The following HROB variants were observed in gnomAD, a reference collection of about 807,000 sequenced individuals.
The protein encoded by HROB is homologous recombination factor with OB-fold.
HROB carries 44 observed loss-of-function variants against 61.0 expected under a neutral mutation model. The ratio of observed to expected loss-of-function variants is 0.72; its 90% confidence interval spans 0.57 to 0.93. HROB has a LOEUF of 0.93. HROB is among the 40% of genes least tolerant of loss of function. HROB has a pLI of 0.00. For missense variants in HROB, 716 were observed against 796.2 expected (o/e 0.90, Z 1.21); for synonymous variants, 301 against 310.4 (o/e 0.97, Z 0.32).
intron 2 of HROB, among the ~76,000 whole-genome samples, chr17:44,146,563 A>C (rs1444175883): frequency 2.6e-5 from 4 of 152,194 alleles, no homozygotes; most frequent in Non-Finnish European, 5.9e-5. Context: ...CTGTTCCTTG[A>C]AAATGGCAGA....
intron 2 of HROB, among the ~76,000 whole-genome samples, chr17:44,146,635 A>T (rs1193329993): frequency 1.3e-5 from 2 of 152,212 alleles, no homozygotes; most frequent in Admixed American, 1.3e-4. Flanking sequence ...TCTTTGGGAG[A>T]AAAAAGACCA....
At chr17:44,157,232 T>C (rs1236560471) in intron 8 of HROB, among the ~76,000 whole-genome samples, 1 of 152,212 alleles carries the variant, frequency 6.6e-6, no homozygotes, top group Admixed American at 6.5e-5. Context: ...GCTCTAGTTA[T>C]AGAGAATCTC....
At chr17:44,142,258 T>G in intron 1 of HROB, 113 bp downstream of exon 1, 1 of 1,310,518 alleles carries the variant, frequency 7.6e-7, no homozygotes, top group Non-Finnish European at 9.9e-7. Flanking sequence ...GGGGTCTGGG[T>G]GGGGGTTCGG....
intron 1 of HROB, among the ~76,000 whole-genome samples, 197 bp from the exon 2 acceptor site, chr17:44,145,006 A>G (rs1273350535): frequency 6.6e-6 from 1 of 152,050 alleles, no homozygotes; most frequent in Non-Finnish European, 1.5e-5. Context: ...ATGAGTCACC[A>G]CGCCCGGCCC....
chr17:44,153,292 C>CA (rs112624871), intron 5 of HROB, among the ~76,000 whole-genome samples: 367 of 139,408 alleles, frequency 2.6e-3, no homozygotes, highest in African/African-American at 4.7e-3. Flanking sequence ...CAAAAAAATA[C>CA]AAAAAAAAAA....
At chr17:44,150,785 A>G (rs2053778651) in intron 3 of HROB, among the ~76,000 whole-genome samples, 176 bp from the exon 4 acceptor site, 2 of 152,268 alleles carry the variant, frequency 1.3e-5, no homozygotes, top group African/African-American at 4.8e-5. Context: ...ACCAATCCCC[A>G]AAGTATCTTT....
chr17:44,142,985 G>T (rs2143799430), intron 1 of HROB, among the ~76,000 whole-genome samples: 1 of 152,230 alleles, frequency 6.6e-6, no homozygotes, highest in Middle Eastern at 3.4e-3. Flanking sequence ...GGCCCAGGCT[G>T]AAGTGCAGTG....
At position 44,147,933 on chromosome 17, in the gene HROB, C is replaced by T. The variant is rs147787171; in HGVS notation, c.130C>T (p.Pro44Ser). The T allele has an allele frequency of 7.4e-5, 119 of 1,614,132 alleles. No homozygotes were observed. The African/African-American group carries it at 1.1e-3, about 15-fold the overall frequency. The change falls in exon 3 of 10, where the codon CCT becomes TCT. Residue 44 changes from proline to serine, a missense_variant. Physicochemically the swap from Pro to Ser is moderately conservative, Grantham distance 74 (BLOSUM62 -1). Transcript: ENST00000585683. Reference sequence around the variant, plus strand: ...GCCTGTGAATGCTGGGCGCCTGAGACCTGTCTCTTCTAGGCCACAGGAGAC... The same window carrying T: ...GCCTGTGAATGCTGGGCGCCTGAGATCTGTCTCTTCTAGGCCACAGGAGAC... ...SLPVNAGRLR[P>S]VSSRPQETVQ...
chr17:44,149,866 G>A (rs1000705193), intron 3 of HROB, among the ~76,000 whole-genome samples: 2 of 152,246 alleles, frequency 1.3e-5, no homozygotes, highest in Admixed American at 6.5e-5. Context: ...GTGAACAGGG[G>A]TCATTCCCTG....
intron 1 of HROB, among the ~76,000 whole-genome samples, chr17:44,143,600 T>G (rs1246346973): frequency 2.0e-5 from 3 of 150,922 alleles, no homozygotes; most frequent in Non-Finnish European, 4.4e-5. Context: ...GCCAAAATCG[T>G]GCCGCTGGAC....
intron 1 of HROB, among the ~76,000 whole-genome samples, chr17:44,144,524 C>T (rs1376935845): frequency 3.3e-5 from 5 of 152,040 alleles, no homozygotes; most frequent in African/African-American, 2.4e-5. Context: ...GATTCACCAG[C>T]TTTGGCCTCC....
At chr17:44,147,735 C>A (rs1279501328) in intron 2 of HROB, 123 bp from the exon 3 acceptor site, 2 of 996,010 alleles carry the variant, frequency 2.0e-6, no homozygotes, top group African/African-American at 3.3e-5. Flanking sequence ...CATGCCCGAC[C>A]CTCATGCTTT....
At chr17:44,144,149 T>C (rs955725851) in intron 1 of HROB, among the ~76,000 whole-genome samples, 1 of 151,738 alleles carries the variant, frequency 6.6e-6, no homozygotes, top group African/African-American at 2.4e-5. Flanking sequence ...GGCTAATTTT[T>C]TTTTTTTTAA....
At chr17:44,158,885 G>A (rs1038663984) in intron 9 of HROB, among the ~76,000 whole-genome samples, 2 of 151,888 alleles carry the variant, frequency 1.3e-5, no homozygotes, top group Admixed American at 1.3e-4. Flanking sequence ...CTGACCTCGC[G>A]ATCTGCCCGC....
rs764377975 is a variant in HROB at position 44,154,637 on chromosome 17, G to A, written c.1531G>A (p.Ala511Thr). ...IKSLTRSTMD[A>T]SVVFKDPTGE... Reference sequence around the variant, plus strand: ...GTCCCTGACTCGGAGCACAATGGACGCCAGTGTGGTTTTCAAGGACCCCAC... The same window carrying A: ...GTCCCTGACTCGGAGCACAATGGACACCAGTGTGGTTTTCAAGGACCCCAC... The change falls in exon 6 of 10, where the codon GCC (alanine) becomes ACC (threonine). Residue 511 changes from alanine to threonine, a missense_variant. Physicochemically the swap from Ala to Thr is moderately conservative, Grantham distance 58 (BLOSUM62 0). Coordinates refer to ENST00000585683, the MANE Select transcript of HROB (RefSeq NM_001171251.3). 1.2e-6 allele frequency: 2 copies of A among 1,614,010 alleles called. No homozygotes were observed. The highest frequency in any genetic ancestry group is 1.3e-5 in the African/African-American group (1 of 74,904).
At position 44,156,670 on chromosome 17, in the gene HROB, T is replaced by A. The variant is rs941425855; in HGVS notation, c.1771-1163T>A. On this transcript the variant is annotated intron_variant, in intron 8 of 9. Transcript: ENST00000585683. ...CCATTTAATTACCGGTATTTATTTA[T>A]TTTTTTTTTTTGAAATGGAGTCTCA... Among the ~76,000 whole-genome samples, 15 of 143,812 alleles carry A rather than the reference T, an allele frequency of 1.0e-4. 1 individual carries two copies. The highest frequency in any genetic ancestry group is 8.5e-4 in the South Asian group (4 of 4,682). The allele number at this position is 143,812 out of a possible 152,430, so 94.3% of individuals were successfully genotyped here. A position where few individuals can be genotyped will look rare whatever the true frequency, so the allele number is the denominator to read the frequency against.
At chr17:44,144,262 C>T (rs973490516) in intron 1 of HROB, among the ~76,000 whole-genome samples, 4 of 152,018 alleles carry the variant, frequency 2.6e-5, no homozygotes, top group African/African-American at 9.7e-5. Flanking sequence ...GCCTCAGCCT[C>T]CTGAGTAGCT....
intron 2 of HROB, among the ~76,000 whole-genome samples, chr17:44,146,935 T>C (rs940924970): frequency 3.3e-5 from 5 of 152,162 alleles, no homozygotes; most frequent in Admixed American, 2.6e-4. Context: ...ATCCATACTT[T>C]ATTTAGCTTG....
chr17:44,152,625 C>G lies in HROB; in HGVS notation c.1309-12C>G. The G allele has an allele frequency of 6.2e-7, 1 of 1,613,700 alleles. No individual in the cohort carries two copies. Among genetic ancestry groups the G allele is most frequent in the Non-Finnish European group, 8.5e-7 (1 of 1,179,744 alleles). On this transcript the variant is annotated splice_polypyrimidine_tract_variant and intron_variant, in intron 4 of 9. Coordinates refer to ENST00000585683, the MANE Select transcript of HROB (RefSeq NM_001171251.3). ...TATTCATACAGGCTCCCCCTCTGCTCTGTGGTACCAGATTGTTGCTAGTTC... is the reference window on the plus strand; with the variant it reads ...TATTCATACAGGCTCCCCCTCTGCTGTGTGGTACCAGATTGTTGCTAGTTC...
Sources: allele counts gnomAD v4.1 joint callset (sites outside exome capture counted in the v4.1 genomes callset), GRCh38; gene constraint gnomAD v4.1.1; transcripts MANE v1.5; gene names NCBI Gene and HGNC (gene_info 2026-07-23, HGNC 2026-07-21).